Variants in PDGFA observed in about 807,000 individuals in gnomAD.
PDGFA encodes the protein platelet-derived growth factor subunit A.
A neutral mutation model predicts 25.6 loss-of-function variants in PDGFA; 9 were observed. That is an observed-to-expected ratio of 0.35 (90% CI 0.21 to 0.61). PDGFA has a LOEUF of 0.61. PDGFA is among the 20% of genes least tolerant of loss of function. The probability of loss-of-function intolerance (pLI) is 0.75; values close to 1 mark genes in which losing one functional copy is unlikely to be tolerated. For missense variants in PDGFA, 242 were observed against 272.8 expected (o/e 0.89, Z 0.79); for synonymous variants, 133 against 111.8 (o/e 1.19, Z -1.20).
chr7:508,336 T>C (rs927667268), intron 4 of PDGFA, among the ~76,000 whole-genome samples: 9 of 151,752 alleles, frequency 5.9e-5, no homozygotes, highest in South Asian at 4.2e-4. Context: ...TGTCACCAAA[T>C]CCTCAGCTGA....
At chr7:512,522 C>G in intron 2 of PDGFA, 67 bp from the exon 3 acceptor site, 1 of 1,609,462 alleles carries the variant, frequency 6.2e-7, no homozygotes, top group Non-Finnish European at 8.5e-7. Context: ...CCTGTCCAGC[C>G]GCACTTCCCA....
chr7:507,933 C>G (rs1782631841), intron 4 of PDGFA, among the ~76,000 whole-genome samples: 1 of 152,086 alleles, frequency 6.6e-6, no homozygotes, highest in African/African-American at 2.4e-5. Flanking sequence ...GTGCCGCAGA[C>G]AAGCACTCCC....
chr7:513,547 C>G (rs1331380419), intron 2 of PDGFA: 1 of 150,842 alleles, frequency 6.6e-6, no homozygotes, highest in African/African-American at 2.4e-5. Flanking sequence ...CAAGGGTGAA[C>G]AGGCGCGGAG....
At chr7:507,283 G>A (rs1322475768) in intron 4 of PDGFA, among the ~76,000 whole-genome samples, 7 of 152,248 alleles carry the variant, frequency 4.6e-5, no homozygotes, top group East Asian at 3.8e-4. Flanking sequence ...GAACTGGGCC[G>A]CCAGGCTCTG....
chr7:501,860 G>A (rs62433303), intron 4 of PDGFA, among the ~76,000 whole-genome samples: 10,584 of 152,276 alleles, frequency 0.07, 494 homozygotes, highest in Non-Finnish European at 0.11. Context: ...GGTGGCCAGG[G>A]AAAGTGTTTG....
chr7:512,199 T>C lies in PDGFA; in HGVS notation c.265+152A>G, dbSNP rs1286518966. On this transcript the variant is annotated intron_variant, in intron 3 of 5. Coordinates refer to ENST00000402802, the Ensembl canonical transcript of PDGFA. ...GCCAGAGGCACCAGGGCCAGGCCTA[T>C]TTTAGGGAGGAGGGAACGGGTGGCT... is the stretch of plus-strand genomic sequence containing the variant. The C allele has an allele frequency of 1.1e-5, 8 of 712,108 alleles. 1 individual carries two copies. The highest frequency in any genetic ancestry group is 3.8e-5 in the South Asian group (2 of 52,708). The allele number at this position is 712,108 out of a possible 1,614,324, so 44.1% of individuals were successfully genotyped here. A position where few individuals can be genotyped will look rare whatever the true frequency, so the allele number is the denominator to read the frequency against.
At chr7:502,900 C>G (rs1427913462) in intron 4 of PDGFA, among the ~76,000 whole-genome samples, 1 of 152,026 alleles carries the variant, frequency 6.6e-6, no homozygotes, top group Non-Finnish European at 1.5e-5. Context: ...CATGGGGAGG[C>G]AACTCCACCC....
At chr7:508,165 C>T (rs1021776603) in intron 4 of PDGFA, among the ~76,000 whole-genome samples, 2 of 152,154 alleles carry the variant, frequency 1.3e-5, no homozygotes, top group Admixed American at 6.5e-5. Flanking sequence ...TTCTCCCCGC[C>T]GCCCCATCTC....
chr7:508,572 A>AAAAAC (rs1782667845), intron 4 of PDGFA, among the ~76,000 whole-genome samples: 1 of 148,026 alleles, frequency 6.8e-6, no homozygotes, highest in Non-Finnish European at 1.5e-5. Context: ...AAAAAAAAAA[A>AAAAAC]AAAAAAAAAA....
intron 3 of PDGFA, among the ~76,000 whole-genome samples, chr7:511,873 G>A (rs745617513): frequency 6.6e-6 from 1 of 152,188 alleles, no homozygotes; most frequent in Non-Finnish European, 1.5e-5. Context: ...TGTGAGTGGG[G>A]CGGGGCACAC....
chr7:509,034 G>A (rs146430896), intron 4 of PDGFA, among the ~76,000 whole-genome samples: 7 of 152,318 alleles, frequency 4.6e-5, no homozygotes, highest in African/African-American at 7.2e-5. Flanking sequence ...CACCCAGGGC[G>A]CTGCATCCTG....
chr7:507,055 C>G (rs1183926789), intron 4 of PDGFA, among the ~76,000 whole-genome samples: 1 of 152,236 alleles, frequency 6.6e-6, no homozygotes, highest in East Asian at 1.9e-4. Flanking sequence ...GGCCCATCTC[C>G]TCGCCAGGTT....
chr7:498,582 G>T lies in PDGFA; in HGVS notation c.581-8C>A. The stretch of plus-strand genomic sequence containing the variant: ...CTCATCCTCACCTCACATCTGCAGG[G>T]AGAAGGGAAAGACAGACACTGAGAC... On this transcript the variant is annotated splice_region_variant and splice_polypyrimidine_tract_variant and intron_variant, in intron 5 of 5. Coordinates refer to ENST00000402802, the Ensembl canonical transcript of PDGFA. 1 of 1,610,156 alleles carries T rather than the reference G, an allele frequency of 6.2e-7. No individual in the cohort carries two copies. The highest frequency in any genetic ancestry group is 2.2e-5 in the East Asian group (1 of 44,780).
chr7:501,748 A>T (rs1782350252), intron 4 of PDGFA, among the ~76,000 whole-genome samples: 1 of 152,150 alleles, frequency 6.6e-6, no homozygotes, highest in Admixed American at 6.5e-5. Flanking sequence ...TAGCAGACTC[A>T]TCCTATTTTT....
intron 4 of PDGFA, 103 bp downstream of exon 4, chr7:510,706 G>T: frequency 2.1e-6 from 1 of 474,516 alleles, no homozygotes; most frequent in South Asian, 2.1e-5. Context: ...GGGCTTGGGT[G>T]GGGAGGGGAG....
intron 3 of PDGFA, 141 bp from the exon 4 acceptor site, chr7:511,137 AGCTGGGAGCAGAGGCTTAGG>A: frequency 1.5e-6 from 1 of 676,856 alleles, no homozygotes; most frequent in Non-Finnish European, 2.5e-6. Context: ...GCAGAGGCTG[AGCTGGGAGCAGAGGCTTAGG>A]GGCTGGGTGG....
Position 506,326 on chromosome 7 carries a change from C to T in PDGFA, c.453+4483G>A, listed in dbSNP as rs188483733. Among the ~76,000 whole-genome samples the T allele has an allele frequency of 1.6e-4, 24 of 152,226 alleles. No individual in the cohort carries two copies. In the East Asian group the frequency reaches 4.2e-3, roughly 27 times the overall value. ...ATCCTGCCTCCTTCAGCACTGCCCC[C>T]ATATCCATTAAGAATGGAAGCAATG... On this transcript the variant is annotated intron_variant, in intron 4 of 5. Coordinates refer to ENST00000402802, the Ensembl canonical transcript of PDGFA.
At position 517,062 on chromosome 7, in the gene PDGFA, G is replaced by A. The variant is rs1182220696; in HGVS notation, c.160+332C>T. Among the ~76,000 whole-genome samples the A allele has an allele frequency of 2.0e-5, 3 of 151,246 alleles. No individual in the cohort carries two copies. The highest frequency in any genetic ancestry group is 3.0e-5 in the Non-Finnish European group (2 of 67,732). ...GCCAGGGCTCTGCGCCCAGGGTCTG[G>A]GCCGGATCCTGCCGCTCCCCCGGCC... is the stretch of plus-strand genomic sequence containing the variant. On this transcript the variant is annotated intron_variant, in intron 2 of 5. Coordinates refer to ENST00000402802, the Ensembl canonical transcript of PDGFA. This position sits in a 1 kb window ranked among gnomAD's most constrained non-coding sequence, Gnocchi z 7.4.
intron 3 of PDGFA, among the ~76,000 whole-genome samples, 195 bp downstream of exon 3, chr7:512,156 G>A (rs1176787666): frequency 6.6e-6 from 1 of 152,196 alleles, no homozygotes. Context: ...AAGGAGGGAG[G>A]CCTCGGGAGA....
Sources: gnomAD v4.1 joint callset for allele counts (sites outside exome capture counted in the v4.1 genomes callset) on GRCh38, gnomAD v4.1.1 for gene constraint, Gnocchi (gnomAD v3.1) non-coding constraint, MANE v1.5 for transcripts, NCBI Gene and HGNC (gene_info 2026-07-23, HGNC 2026-07-21) for gene names.